RIOX2: variants seen among roughly 807,000 people sequenced by gnomAD.
RIOX2 encodes the protein ribosomal oxygenase 2, also known as 60S ribosomal protein L27a histidine hydroxylase.
In RIOX2, 43 loss-of-function variants were observed where a neutral mutation model predicts 51.2. The observed-to-expected ratio is 0.84, with a 90% confidence interval of 0.66 to 1.08. RIOX2 has a LOEUF of 1.08. Among genes scored for constraint, RIOX2 ranks in the 50% least tolerant of loss-of-function variants. The pLI is 0.00. For missense variants in RIOX2, 566 were observed against 561.7 expected (o/e 1.01, Z -0.08); for synonymous variants, 226 against 218.5 (o/e 1.03, Z -0.30).
chr3:97,954,533 A>G (rs1438104583), intron 4 of RIOX2, 38 bp from the exon 5 acceptor site: 29 of 1,520,986 alleles, frequency 1.9e-5, no homozygotes, highest in Non-Finnish European at 2.5e-5. Flanking sequence ...GAAGTTAATA[A>G]GTATTCCTTC....
At position 97,942,680 on chromosome 3, in the gene RIOX2, G is replaced by T. The variant is rs568421674; in HGVS notation, c.*2504C>A. The T allele has an allele frequency of 5.9e-4, 222 of 379,480 alleles. No individual in the cohort carries two copies. Among genetic ancestry groups the T allele is most frequent in the African/African-American group, 4.1e-3 (200 of 48,204 alleles). 23.5% of individuals were successfully genotyped at this position (379,480 alleles called of 1,614,324 possible). On this transcript the variant is annotated 3_prime_UTR_variant, in exon 10 of 10. Coordinates refer to ENST00000394198, the MANE Select transcript of RIOX2 (RefSeq NM_153182.4). ...CAGTTGTAAAACTTTCATTTGCTACGTGAACTCAGAACAGTTCTAAATTTC... is the reference window on the plus strand; with the variant it reads ...CAGTTGTAAAACTTTCATTTGCTACTTGAACTCAGAACAGTTCTAAATTTC...
rs975957491 is a variant in RIOX2 at position 97,942,172 on chromosome 3, GAC to G, written c.*3010_*3011del. ...TACTATATAGTATTTTTTTAGATAA[GAC>G]ACACACACACTTCATGTCTATGACT... is the stretch of plus-strand genomic sequence containing the variant. On this transcript the variant is annotated 3_prime_UTR_variant, in exon 10 of 10. Transcript: ENST00000394198. The G allele has an allele frequency of 6.6e-5, 55 of 835,012 alleles. No individual in the cohort carries two copies. Among genetic ancestry groups the G allele is most frequent in the South Asian group, 7.9e-5 (3 of 37,982 alleles). 51.7% of individuals were successfully genotyped at this position (835,012 alleles called of 1,614,324 possible).
chr3:97,972,055 C>T (rs1706155639), intron 1 of RIOX2: 1 of 152,204 alleles, frequency 6.6e-6, no homozygotes, highest in Non-Finnish European at 1.5e-5. Flanking sequence ...CCTTGCTAAG[C>T]CTCCAAACTT....
intron 4 of RIOX2, among the ~76,000 whole-genome samples, 177 bp from the exon 5 acceptor site, chr3:97,954,672 T>C (rs781355487): frequency 6.6e-6 from 1 of 152,048 alleles, no homozygotes; most frequent in Non-Finnish European, 1.5e-5. Flanking sequence ...AGCTTCTCTG[T>C]GTCCGTGAGC....
At position 97,967,398 on chromosome 3, in the gene RIOX2, T is replaced by C. The variant is rs1184578821; in HGVS notation, c.196A>G (p.Ile66Val). The change falls in exon 2 of 10, where the codon ATT becomes GTT. Residue 66 changes from isoleucine (I) to valine (V), a missense_variant. Coordinates refer to ENST00000394198, the MANE Select transcript of RIOX2 (RefSeq NM_153182.4). ...KEFWEQKPLL[I>V]QRDDPALATY... ...GCCAGTGCAGGGTCATCTCTCTGAA[T>C]GAGAAGGGGCTTCTGCTCCCAGAAT... is the stretch of plus-strand genomic sequence containing the variant. 1 of 1,614,028 alleles carries C rather than the reference T, an allele frequency of 6.2e-7. No homozygotes were observed. The highest frequency in any genetic ancestry group is 1.3e-5 in the African/African-American group (1 of 74,914).
intron 2 of RIOX2, among the ~76,000 whole-genome samples, chr3:97,962,265 C>G (rs879686698): frequency 6.7e-6 from 1 of 150,120 alleles, no homozygotes; most frequent in East Asian, 2.0e-4. Context: ...CCCCTTTCCA[C>G]GTAACGAGAT....
chr3:97,951,152 T>C, intron 5 of RIOX2: 1 of 335,594 alleles, frequency 3.0e-6, no homozygotes, highest in Non-Finnish European at 5.5e-6. Flanking sequence ...TGATTTCTCT[T>C]AAAAGCTCTC....
At chr3:97,962,651 G>A (rs1705729616) in intron 2 of RIOX2, among the ~76,000 whole-genome samples, 1 of 152,180 alleles carries the variant, frequency 6.6e-6, no homozygotes, top group South Asian at 2.1e-4. Context: ...AGGCTGGTGA[G>A]AAGAGAGGAG....
intron 2 of RIOX2, among the ~76,000 whole-genome samples, chr3:97,964,705 AAAAAAAAAAAAAAAAAG>A (rs1576015548): frequency 6.9e-6 from 1 of 144,902 alleles, no homozygotes; most frequent in Admixed American, 7.1e-5. Flanking sequence ...TTAAAAAAAA[AAAAAAAAAAAAAAAAAG>A]AAGGAAAGAA....
intron 1 of RIOX2, among the ~76,000 whole-genome samples, chr3:97,969,580 C>T (rs2107203723): frequency 6.6e-6 from 1 of 152,298 alleles, no homozygotes; most frequent in South Asian, 2.1e-4. Flanking sequence ...ACAATCATTA[C>T]AGTTTATACC....
Position 97,945,847 on chromosome 3 carries a change from A to G in RIOX2, c.1190T>C (p.Leu397Ser). Residue 397 changes from leucine to serine, a missense_variant, in exon 9 of 10, where the codon TTA becomes TCA. Leu to Ser is a moderately radical substitution (Grantham distance 145, BLOSUM62 -2). Coordinates refer to ENST00000394198, the MANE Select transcript of RIOX2 (RefSeq NM_153182.4). ...CATGTGTGTCTCTCTACTATTCTTT[A>G]AGGAATGATAGATGTACACCATCTT... Reference protein sequence around the residue: ...QEKMVYIYHSLKNSRETHMMG... With the variant: ...QEKMVYIYHSSKNSRETHMMG... The G allele has an allele frequency of 6.2e-7, 1 of 1,610,912 alleles. No homozygotes were observed. Among genetic ancestry groups the G allele is most frequent in the Non-Finnish European group, 8.5e-7 (1 of 1,177,698 alleles).
At chr3:97,969,414 C>T (rs1028426801) in intron 1 of RIOX2, among the ~76,000 whole-genome samples, 2 of 152,120 alleles carry the variant, frequency 1.3e-5, no homozygotes, top group East Asian at 1.9e-4. Flanking sequence ...AAAATGGATT[C>T]GGGAAGGGGT....
chr3:97,957,930 A>G (rs1018851692), intron 4 of RIOX2, among the ~76,000 whole-genome samples: 9 of 152,352 alleles, frequency 5.9e-5, no homozygotes, highest in African/African-American at 9.6e-5. Flanking sequence ...AACACAGGAC[A>G]TTAAGGAATG....
chr3:97,963,330 G>T (rs1192431328), intron 2 of RIOX2, among the ~76,000 whole-genome samples: 1 of 151,992 alleles, frequency 6.6e-6, no homozygotes, highest in Non-Finnish European at 1.5e-5. Flanking sequence ...GTCTCACTTT[G>T]TTGCCCAGGC....
chr3:97,944,089 A>G lies in RIOX2; in HGVS notation c.*1095T>C, dbSNP rs968465312. 21 of 151,688 alleles carry G rather than the reference A, an allele frequency of 1.4e-4. No individual in the cohort carries two copies. Among genetic ancestry groups the G allele is most frequent in the Non-Finnish European group, 1.5e-5 (1 of 67,822 alleles). 9.4% of individuals were successfully genotyped at this position (151,688 alleles called of 1,614,324 possible). ...TGTCTCCATGTTGACACTTCATCCT[A>G]GATTTAAGGAGAGGCATCAATTTTT... On this transcript the variant is annotated 3_prime_UTR_variant, in exon 10 of 10. Coordinates refer to ENST00000394198, the MANE Select transcript of RIOX2 (RefSeq NM_153182.4).
In RIOX2 at chr3:97,943,605, A is replaced by G. The variant is rs1484523937; in HGVS notation, c.*1579T>C. 3.0e-6 allele frequency: 1 copy of G among 338,192 alleles called. No homozygotes were observed. The highest frequency in any genetic ancestry group is 5.3e-5 in the Admixed American group (1 of 18,704). 20.9% of individuals were successfully genotyped at this position (338,192 alleles called of 1,614,324 possible). On this transcript the variant is annotated 3_prime_UTR_variant, in exon 10 of 10. Coordinates refer to ENST00000394198, the MANE Select transcript of RIOX2 (RefSeq NM_153182.4). ...TTTCCTGAAGTGTTTATTTTCTCTC[A>G]TATCCACCAAACGTGAATCCTGTTC... is the stretch of plus-strand genomic sequence containing the variant.
intron 4 of RIOX2, among the ~76,000 whole-genome samples, chr3:97,955,932 G>A (rs772587407): frequency 3.3e-5 from 5 of 152,050 alleles, no homozygotes; most frequent in Non-Finnish European, 7.4e-5. Flanking sequence ...ATATCTAAAC[G>A]TGGACAAGAA....
Position 97,969,000 on chromosome 3 carries a change from G to A in RIOX2, c.-39-1368C>T, listed in dbSNP as rs541116383. Among the ~76,000 whole-genome samples, 5 of 152,336 alleles carry A rather than the reference G, an allele frequency of 3.3e-5. No homozygotes were observed. In the East Asian group the frequency reaches 9.6e-4, roughly 29 times the overall value. ...GCCTGGGAAGTAAGCATCCTGGAAC[G>A]ATGTGTTGCATACTGTGTGACGTGT... On this transcript the variant is annotated intron_variant, in intron 1 of 9. Transcript: ENST00000394198.
intron 4 of RIOX2, among the ~76,000 whole-genome samples, chr3:97,955,884 T>C (rs2107161558): frequency 6.6e-6 from 1 of 152,316 alleles, no homozygotes; most frequent in Non-Finnish European, 1.5e-5. Context: ...CTGAATACTG[T>C]AGAAAACTGT....
Sources: gnomAD v4.1 joint callset for allele counts (sites outside exome capture counted in the v4.1 genomes callset) on GRCh38, gnomAD v4.1.1 for gene constraint, MANE v1.5 for transcripts, NCBI Gene and HGNC (gene_info 2026-07-23, HGNC 2026-07-21) for gene names.